Variants in CHD7 observed in about 807,000 individuals in gnomAD.
The protein encoded by CHD7 is ATP-dependent chromatin remodeler CHD7.
Under a neutral mutation model 307.3 loss-of-function variants are expected in CHD7, and 24 were observed. The ratio of observed to expected loss-of-function variants is 0.08; its 90% CI spans 0.06 to 0.11. The LOEUF is 0.11. Ranked by LOEUF, CHD7 falls within the 10% of genes least tolerant of loss-of-function variation. The probability of loss-of-function intolerance (pLI) is 1.00; values close to 1 mark genes in which losing one functional copy is unlikely to be tolerated. For missense variants in CHD7, 3,106 were observed against 3,727.1 expected, an observed-to-expected ratio of 0.83 and a Z score of 4.34; for synonymous variants, 1,363 against 1,349.9, an observed-to-expected ratio of 1.01 and a Z score of -0.21.
At chr8:60,818,550 A>T (rs1803855760) in intron 8 of CHD7, among the ~76,000 whole-genome samples, 2 of 152,248 alleles carry the variant, frequency 1.3e-5, no homozygotes, top group Admixed American at 6.5e-5. Context: ...GCATTAATAC[A>T]CTAATACTTT....
intron 1 of CHD7, among the ~76,000 whole-genome samples, chr8:60,703,239 C>T (rs907250806): frequency 6.6e-6 from 1 of 152,130 alleles, no homozygotes; most frequent in Non-Finnish European, 1.5e-5. Context: ...CATAATGTTA[C>T]GCATCCATCA....
Position 60,816,478 on chromosome 8 carries a change from G to A in CHD7, c.2590G>A (p.Gly864Ser), listed in dbSNP as rs754351809. The A allele has an allele frequency of 6.2e-6, 10 of 1,605,864 alleles. No homozygotes were observed. The South Asian group carries it at 1.1e-4, about 18-fold the overall frequency. Residue 864 changes from glycine (G) to serine (S), a missense_variant, in exon 8 of 38, where the codon GGC becomes AGC. Physicochemically the swap from Gly to Ser is moderately conservative, Grantham distance 56. Around this residue, in one of 10 missense-constraint regions of CHD7, gnomAD observed 188 missense variants for 261.7 expected, o/e 0.72. Coordinates refer to ENST00000423902, the MANE Select transcript of CHD7 (RefSeq NM_017780.4). ...AATTAAACGATTTAAGGCAAAGCAG[G>A]GCCAGAACAAGTTCCTTTCAGAGGT... ...QKIKRFKAKQ[G>S]QNKFLSEIED...
At chr8:60,847,745 A>G (rs898001474) in intron 23 of CHD7, among the ~76,000 whole-genome samples, 4 of 152,192 alleles carry the variant, frequency 2.6e-5, no homozygotes, top group Non-Finnish European at 5.9e-5. Flanking sequence ...CTGAAAATCT[A>G]GTTCCTAGAA....
At chr8:60,748,149 A>G (rs1809426755) in intron 2 of CHD7, among the ~76,000 whole-genome samples, 1 of 152,220 alleles carries the variant, frequency 6.6e-6, no homozygotes, top group African/African-American at 2.4e-5. Flanking sequence ...CATGAAAAGC[A>G]CACTGTAGAG....
At chr8:60,719,495 T>C (rs1006306353) in intron 1 of CHD7, among the ~76,000 whole-genome samples, 4 of 152,192 alleles carry the variant, frequency 2.6e-5, no homozygotes, top group Non-Finnish European at 4.4e-5. Flanking sequence ...ACTGACACAT[T>C]CTTACATTAT....
At chr8:60,787,965 G>A (rs1297476568) in intron 3 of CHD7, among the ~76,000 whole-genome samples, 1 of 151,520 alleles carries the variant, frequency 6.6e-6, no homozygotes, top group African/African-American at 2.4e-5. Context: ...GGGTCTACAG[G>A]CATGCACCAC....
intron 3 of CHD7, among the ~76,000 whole-genome samples, chr8:60,792,132 T>G (rs1811804812): frequency 6.6e-6 from 1 of 152,190 alleles, no homozygotes; most frequent in African/African-American, 2.4e-5. Context: ...TTATCCATGG[T>G]CCCAGCCTAT....
chr8:60,859,100 G>A (rs1805847718), intron 34 of CHD7, among the ~76,000 whole-genome samples: 1 of 152,106 alleles, frequency 6.6e-6, no homozygotes, highest in South Asian at 2.1e-4. Context: ...AAGCCTGAGA[G>A]AATTCCTAAT....
chr8:60,760,051 A>G (rs1439775946), intron 2 of CHD7, among the ~76,000 whole-genome samples: 1 of 152,202 alleles, frequency 6.6e-6, no homozygotes, highest in Non-Finnish European at 1.5e-5. Flanking sequence ...GAATGAGCAC[A>G]AGTTTAGTTC....
At chr8:60,728,589 G>A (rs890823633) in intron 1 of CHD7, among the ~76,000 whole-genome samples, 25 of 152,226 alleles carry the variant, frequency 1.6e-4, no homozygotes, top group Non-Finnish European at 3.2e-4. Context: ...GCAATGGCGC[G>A]ATCTCGGCTC....
intron 2 of CHD7, among the ~76,000 whole-genome samples, chr8:60,764,112 C>T (rs1170828621): frequency 1.3e-5 from 2 of 152,242 alleles, no homozygotes; most frequent in East Asian, 1.9e-4. Flanking sequence ...CTAAGCCTCC[C>T]GAGTAGCTGG....
At chr8:60,683,653 A>G (rs1319182364) in intron 1 of CHD7, among the ~76,000 whole-genome samples, 2 of 152,206 alleles carry the variant, frequency 1.3e-5, no homozygotes, top group East Asian at 1.9e-4. Context: ...GTCCAGAGAG[A>G]TTAATTAAAT....
At chr8:60,850,652 A>G (rs1225808984) in intron 26 of CHD7, 30 bp downstream of exon 26, 2 of 1,585,444 alleles carry the variant, frequency 1.3e-6, no homozygotes, top group Admixed American at 3.6e-5. Flanking sequence ...ATTTGAATAA[A>G]CTTTATGTCA....
At chr8:60,729,479 C>G (rs1184674958) in intron 1 of CHD7, among the ~76,000 whole-genome samples, 1 of 152,138 alleles carries the variant, frequency 6.6e-6, no homozygotes, top group Non-Finnish European at 1.5e-5. Context: ...TAGTATGATG[C>G]AAGTATTATC....
At chr8:60,696,706 A>G (rs561453325) in intron 1 of CHD7, among the ~76,000 whole-genome samples, 7 of 152,116 alleles carry the variant, frequency 4.6e-5, no homozygotes, top group Non-Finnish European at 2.9e-5. Flanking sequence ...ACTCTCTGAT[A>G]CTGTATATGG....
At chr8:60,732,136 A>G (rs1416313633) in intron 1 of CHD7, among the ~76,000 whole-genome samples, 1 of 152,210 alleles carries the variant, frequency 6.6e-6, no homozygotes, top group Non-Finnish European at 1.5e-5. Flanking sequence ...TCAGTGGTGT[A>G]TATCAGAAAA....
intron 2 of CHD7, among the ~76,000 whole-genome samples, chr8:60,773,815 G>C: frequency 6.6e-6 from 1 of 152,142 alleles, no homozygotes; most frequent in Non-Finnish European, 1.5e-5. Context: ...AGTGGATAAT[G>C]TTTGTTGGCT....
intron 1 of CHD7, among the ~76,000 whole-genome samples, chr8:60,694,648 G>A (rs931185933): frequency 1.3e-5 from 2 of 152,228 alleles, no homozygotes; most frequent in Non-Finnish European, 2.9e-5. Flanking sequence ...TTTGTCTCTG[G>A]TGTCCTCCTG....
intron 30 of CHD7, 58 bp downstream of exon 30, chr8:60,852,764 A>C (rs1173448297): frequency 1.9e-6 from 3 of 1,610,564 alleles, no homozygotes; most frequent in Non-Finnish European, 2.5e-6. Flanking sequence ...GAAAAATAAG[A>C]AAGTGTACAA....
Sources: allele counts gnomAD v4.1 joint callset (sites outside exome capture counted in the v4.1 genomes callset), GRCh38; gene constraint gnomAD v4.1.1; regional missense constraint gnomAD v4.1.1; transcripts MANE v1.5; gene names NCBI Gene and HGNC (gene_info 2026-07-23, HGNC 2026-07-21).